SUN3: variants seen among roughly 807,000 people sequenced by gnomAD.
SUN3 encodes Sad1 and UNC84 domain containing 3.
Under a neutral mutation model 48.2 loss-of-function variants are expected in SUN3, and 36 were observed. That is an observed-to-expected ratio of 0.75 (90% CI 0.57 to 0.99). SUN3 has a LOEUF of 0.99. Among genes scored for constraint, SUN3 ranks in the 50% least tolerant of loss-of-function variants. The pLI, the probability that SUN3 is intolerant of heterozygous loss-of-function variation, is 0.00. For missense variants in SUN3, 419 were observed against 433.1 expected, an observed-to-expected ratio of 0.97 and a Z score of 0.29; for synonymous variants, 148 against 147.9, an observed-to-expected ratio of 1.00 and a Z score of 0.00.
intron 6 of SUN3, among the ~76,000 whole-genome samples, chr7:48,004,849 C>T (rs936933636): frequency 6.6e-6 from 1 of 152,268 alleles, no homozygotes; most frequent in Non-Finnish European, 1.5e-5. Flanking sequence ...CCTCTACCAA[C>T]TGCCTGCTTT....
chr7:47,999,278 GTC>G (rs1789293813), intron 6 of SUN3, among the ~76,000 whole-genome samples: 1 of 151,856 alleles, frequency 6.6e-6, no homozygotes, highest in African/African-American at 2.4e-5. Flanking sequence ...CTTTTAAATA[GTC>G]TCTAATTTTC....
chr7:48,014,437 A>G lies in SUN3; in HGVS notation c.288+2825T>C, dbSNP rs1329189923. Among the ~76,000 whole-genome samples, 3 of 152,308 alleles carry G rather than the reference A, an allele frequency of 2.0e-5. No homozygotes were observed. The East Asian group carries it at 5.8e-4, about 29-fold the overall frequency. ...TCTAGACAAGCTCCTTGATCATTAC[A>G]TTTTAGTTAAAAGGGAAGAAGGCAA... On this transcript the variant is annotated intron_variant, in intron 3 of 9. Transcript: ENST00000297325.
chr7:48,027,079 A>G (rs913570744), intron 1 of SUN3, among the ~76,000 whole-genome samples: 16 of 152,138 alleles, frequency 1.1e-4, no homozygotes, highest in Admixed American at 5.9e-4. Context: ...TGAACCATCT[A>G]TAAATGGACC....
At chr7:48,004,929 T>C (rs929772796) in intron 6 of SUN3, among the ~76,000 whole-genome samples, 8 of 152,238 alleles carry the variant, frequency 5.3e-5, no homozygotes, top group African/African-American at 1.9e-4. Context: ...TTGTAATCAG[T>C]TGGAAGAGAC....
chr7:48,031,050 A>G (rs183003861), upstream of SUN3, among the ~76,000 whole-genome samples: 1 of 152,344 alleles, frequency 6.6e-6, no homozygotes, highest in Admixed American at 6.5e-5. Context: ...GAAAACAAGG[A>G]AAAAATCTCC....
chr7:48,014,792 A>C (rs1369213491), intron 3 of SUN3, among the ~76,000 whole-genome samples: 3 of 152,196 alleles, frequency 2.0e-5, no homozygotes, highest in Non-Finnish European at 4.4e-5. Context: ...AATTGGCTTA[A>C]ATGATTGCAG....
the SUN3 span, chr7:48,035,376 C>T: frequency 1.6e-6 from 1 of 612,778 alleles, no homozygotes; most frequent in Non-Finnish European, 2.9e-6. The surrounding 1 kb of genome is among the most constrained non-coding windows in gnomAD (Gnocchi z 4.0). Flanking sequence ...GGGCTACGGG[C>T]AGTTGACAGG....
chr7:48,028,867 G>A lies in SUN3; in HGVS notation c.72C>T (p.Ser24=), dbSNP rs183761311. 4.2e-5 allele frequency: 67 copies of A among 1,613,832 alleles called. No homozygotes were observed. In the Admixed American group the frequency reaches 5.7e-4, roughly 14 times the overall value. The part of the protein sequence containing the change: ...FRRCSEDASG[S]ASGNALLSED... Reference sequence around the variant, plus strand: ...CTGATAACAAAGCATTGCCACTGGCGCTACCGCTGGCGTCTTCAGAGCAAC... The same window carrying A: ...CTGATAACAAAGCATTGCCACTGGCACTACCGCTGGCGTCTTCAGAGCAAC... Residue 24 remains serine (S), a synonymous_variant, in exon 1 of 10, where the codon AGC becomes AGT. Transcript: ENST00000297325.
At chr7:47,990,248 C>T (rs1387155922) in intron 8 of SUN3, among the ~76,000 whole-genome samples, 2 of 152,168 alleles carry the variant, frequency 1.3e-5, no homozygotes, top group Non-Finnish European at 2.9e-5. Flanking sequence ...AGAAAACCGC[C>T]TTAGGGCTGG....
At position 48,007,306 on chromosome 7, in the gene SUN3, T is replaced by G. The variant is rs757023687; in HGVS notation, c.351A>C (p.Glu117Asp). Reference sequence around the variant, plus strand: ...AAAATAGAATTTGACGAAAATTGTTTTCCAGATTCTGGCTTTCCTTCCTGT... The same window carrying G: ...AAAATAGAATTTGACGAAAATTGTTGTCCAGATTCTGGCTTTCCTTCCTGT... ...ELLKKESQNL[E>D]NNFRQILFLI... The change falls in exon 5 of 10, where the codon GAA becomes GAC. Residue 117 changes from glutamate to aspartate, a missense_variant. Physicochemically the swap from Glu to Asp is conservative, Grantham distance 45 (BLOSUM62 2). Transcript: ENST00000297325. 3.1e-6 allele frequency: 5 copies of G among 1,613,912 alleles called. No individual in the cohort carries two copies. Among genetic ancestry groups the G allele is most frequent in the African/African-American group, 2.7e-5 (2 of 74,934 alleles).
the SUN3 span, among the ~76,000 whole-genome samples, chr7:48,034,941 C>T: frequency 6.6e-6 from 1 of 151,930 alleles, no homozygotes; most frequent in African/African-American, 2.4e-5. Flanking sequence ...CACACAATTT[C>T]CAAATACTTA....
intron 8 of SUN3, among the ~76,000 whole-genome samples, chr7:47,991,302 G>C (rs1476578229): frequency 2.0e-5 from 3 of 152,216 alleles, no homozygotes; most frequent in Admixed American, 6.5e-5. Flanking sequence ...ATTACTAAAG[G>C]ATTCCTGCCT....
intron 1 of SUN3, among the ~76,000 whole-genome samples, chr7:48,028,479 CAAAAAAAAAAA>C (rs55997019): frequency 3.5e-4 from 16 of 45,258 alleles, no homozygotes; most frequent in Middle Eastern, 0.022. Context: ...AGCCCAATGA[CAAAAAAAAAAA>C]AAAAAAAAAA....
chr7:48,009,793 G>T (rs1166053218), intron 3 of SUN3, among the ~76,000 whole-genome samples: 1 of 152,128 alleles, frequency 6.6e-6, no homozygotes, highest in East Asian at 1.9e-4. Context: ...ACACTGGGAA[G>T]ATAGAGCATG....
the SUN3 span, among the ~76,000 whole-genome samples, chr7:48,035,855 G>C: frequency 6.6e-6 from 1 of 152,154 alleles, no homozygotes; most frequent in African/African-American, 2.4e-5. The surrounding 1 kb of genome is among the most constrained non-coding windows in gnomAD (Gnocchi z 4.0). Context: ...TGTGTCCCTG[G>C]CGTGGACGTG....
At chr7:48,016,947 T>C (rs141649620) in intron 3 of SUN3, among the ~76,000 whole-genome samples, 376 of 152,242 alleles carry the variant, frequency 2.5e-3, no homozygotes, top group Non-Finnish European at 3.6e-3. Flanking sequence ...GCCAAACTCA[T>C]CCTTTTATTA....
intron 3 of SUN3, 110 bp from the exon 4 acceptor site, chr7:48,009,185 G>C (rs1789614634): frequency 9.4e-7 from 1 of 1,066,102 alleles, no homozygotes; most frequent in East Asian, 2.6e-5. Flanking sequence ...CTGATATACA[G>C]ATGTGCTGGC....
upstream of SUN3, among the ~76,000 whole-genome samples, chr7:48,033,783 C>CGGTG (rs1182305073): frequency 6.6e-6 from 1 of 152,026 alleles, no homozygotes; most frequent in Non-Finnish European, 1.5e-5. Flanking sequence ...TGACTAGGCA[C>CGGTG]GGTGGCCCAT....
At chr7:48,001,530 T>C (rs886414556) in intron 6 of SUN3, among the ~76,000 whole-genome samples, 1 of 119,546 alleles carries the variant, frequency 8.4e-6, no homozygotes, top group African/African-American at 3.2e-5. Flanking sequence ...CTGTTTTTTT[T>C]GTTTTTTTTT....
Sources: gnomAD v4.1 joint callset for allele counts (sites outside exome capture counted in the v4.1 genomes callset) on GRCh38, gnomAD v4.1.1 for gene constraint, Gnocchi (gnomAD v3.1) non-coding constraint, MANE v1.5 for transcripts, NCBI Gene and HGNC (gene_info 2026-07-23, HGNC 2026-07-21) for gene names.